The following PTP4A1 variants were observed in gnomAD, a reference collection of about 807,000 sequenced individuals.
PTP4A1 encodes the protein protein tyrosine phosphatase 4A1.
In PTP4A1, 9 loss-of-function variants were observed where a neutral mutation model predicts 20.5. The ratio of observed to expected loss-of-function variants is 0.44; its 90% confidence interval spans 0.26 to 0.77. The LOEUF is 0.77. Among genes scored for constraint, PTP4A1 ranks in the 30% least tolerant of loss-of-function variants. The pLI is 0.19. For synonymous variants in PTP4A1, 78 were observed against 67.4 expected (o/e 1.16, Z -0.77); for missense variants, 137 against 218.8 (o/e 0.63, Z 2.36).
chr6:63,554,766 G>C (rs558867631), intron 3 of PTP4A1, among the ~76,000 whole-genome samples: 1 of 152,272 alleles, frequency 6.6e-6, no homozygotes, highest in African/African-American at 2.4e-5. Context: ...TAGCCTGGGT[G>C]ACAGAGTGAA....
intron 3 of PTP4A1, among the ~76,000 whole-genome samples, chr6:63,555,771 G>A (rs1776660977): frequency 6.8e-6 from 1 of 147,412 alleles, no homozygotes; most frequent in South Asian, 2.1e-4. Context: ...CCGGCTCACT[G>A]CAACTTCTGC....
At chr6:63,528,568 T>C (rs1464560082) in intron 2 of PTP4A1, among the ~76,000 whole-genome samples, 3 of 151,454 alleles carry the variant, frequency 2.0e-5, no homozygotes, top group Non-Finnish European at 2.9e-5. Context: ...CTACAAAAAA[T>C]ATAACAAAAC....
chr6:63,544,946 C>A (rs1483983766), intron 2 of PTP4A1, among the ~76,000 whole-genome samples: 2 of 152,118 alleles, frequency 1.3e-5, no homozygotes, highest in Non-Finnish European at 2.9e-5. Flanking sequence ...TATATAAATA[C>A]CATATTGCAT....
At position 63,572,518 on chromosome 6, in the gene PTP4A1, G is replaced by A; in HGVS notation, c.-647G>A. On this transcript the variant is annotated 5_prime_UTR_variant, in exon 1 of 6. Coordinates refer to ENST00000626021, the MANE Select transcript of PTP4A1 (RefSeq NM_003463.5). ...TATTGGCTCCTTCGGCTGCGGGCCG[G>A]CTCGGCTACGCGCTCTGCTCCGAGC... is the stretch of plus-strand genomic sequence containing the variant. 2 of 391,498 alleles carry A rather than the reference G, an allele frequency of 5.1e-6. No homozygotes were observed. The highest frequency in any genetic ancestry group is 9.0e-6 in the Non-Finnish European group (2 of 221,454). 24.3% of individuals were successfully genotyped at this position (391,498 alleles called of 1,614,324 possible). A position where few individuals can be genotyped will look rare whatever the true frequency, so the allele number is the denominator to read the frequency against.
At chr6:63,534,526 A>G (rs896523171) in intron 2 of PTP4A1, among the ~76,000 whole-genome samples, 2 of 152,074 alleles carry the variant, frequency 1.3e-5, no homozygotes, top group Admixed American at 6.6e-5. Context: ...TACTTACAAA[A>G]CATTTATGCT....
chr6:63,536,640 C>G (rs2149481125), intron 2 of PTP4A1, among the ~76,000 whole-genome samples: 1 of 152,216 alleles, frequency 6.6e-6, no homozygotes, highest in Non-Finnish European at 1.5e-5. Flanking sequence ...ACATTTGTGT[C>G]AGTCGCGATA....
At chr6:63,541,488 G>C (rs577100750) in intron 2 of PTP4A1, among the ~76,000 whole-genome samples, 1 of 152,058 alleles carries the variant, frequency 6.6e-6, no homozygotes, top group South Asian at 2.1e-4. Flanking sequence ...CGGAGGCAGA[G>C]GTTGCAGTGA....
chr6:63,532,028 T>C (rs1775495012), intron 2 of PTP4A1, among the ~76,000 whole-genome samples: 1 of 152,088 alleles, frequency 6.6e-6, no homozygotes, highest in African/African-American at 2.4e-5. Context: ...CTTGAACTCT[T>C]GACCTTGTGA....
chr6:63,527,274 T>C (rs972011637), intron 1 of PTP4A1, among the ~76,000 whole-genome samples: 1 of 152,194 alleles, frequency 6.6e-6, no homozygotes, highest in African/African-American at 2.4e-5. Flanking sequence ...ATTGCTTGTG[T>C]CTATGTTCAA....
intron 3 of PTP4A1, among the ~76,000 whole-genome samples, chr6:63,566,463 G>T (rs1777193158): frequency 1.3e-5 from 2 of 152,272 alleles, no homozygotes; most frequent in African/African-American, 2.4e-5. Context: ...GCTGGTTTGG[G>T]TTCAAGCCAG....
rs1353643620 is a variant in PTP4A1 at position 63,582,398 on chromosome 6, AAAAT to A, written c.*2229_*2232del. The A allele has an allele frequency of 2.6e-5, 4 of 152,644 alleles. No homozygotes were observed. Among genetic ancestry groups the A allele is most frequent in the South Asian group, 2.1e-4 (1 of 4,834 alleles). The allele number at this position is 152,644 out of a possible 1,614,324, so 9.5% of individuals were successfully genotyped here. A position where few individuals can be genotyped will look rare whatever the true frequency, so the allele number is the denominator to read the frequency against. On this transcript the variant is annotated 3_prime_UTR_variant, in exon 6 of 6. Transcript: ENST00000626021. ...TGTTTGGATTGTATATATGGTGCTAAAAATAAATTAATTTACTTTATAAACCTTA... is the reference window on the plus strand; with the variant it reads ...TGTTTGGATTGTATATATGGTGCTAAAAATTAATTTACTTTATAAACCTTA...
At chr6:63,570,308 G>A (rs1777361539), upstream of PTP4A1, among the ~76,000 whole-genome samples, 1 of 152,154 alleles carries the variant, frequency 6.6e-6, no homozygotes, top group African/African-American at 2.4e-5. Context: ...TCCAACCTGG[G>A]CAAAAGAGCA....
chr6:63,566,459 T>G (rs942702463), intron 3 of PTP4A1, among the ~76,000 whole-genome samples: 2 of 152,088 alleles, frequency 1.3e-5, no homozygotes, highest in Non-Finnish European at 2.9e-5. Context: ...TCAAGCTGGT[T>G]TGGGTTCAAG....
chr6:63,572,784 G>C (rs574971926), intron 1 of PTP4A1, 65 bp downstream of exon 1: 1 of 398,248 alleles, frequency 2.5e-6, no homozygotes, highest in Non-Finnish European at 4.4e-6. Flanking sequence ...CATCCCCGCT[G>C]TCGCCTTTGT....
chr6:63,565,978 A>C, intron 3 of PTP4A1, among the ~76,000 whole-genome samples: 1 of 152,220 alleles, frequency 6.6e-6, no homozygotes, highest in East Asian at 1.9e-4. Flanking sequence ...TCAGCTCCAG[A>C]CCACCACAAT....
chr6:63,555,692 C>CTTT (rs35538550), intron 3 of PTP4A1, among the ~76,000 whole-genome samples: 12 of 135,002 alleles, frequency 8.9e-5, no homozygotes, highest in African/African-American at 1.7e-4. Context: ...CAATTACACT[C>CTTT]TTTTTTTTTT....
chr6:63,563,235 C>T (rs1197742040), intron 3 of PTP4A1, among the ~76,000 whole-genome samples: 1 of 152,190 alleles, frequency 6.6e-6, no homozygotes, highest in Non-Finnish European at 1.5e-5. Flanking sequence ...TGGTGTGATT[C>T]ACTGTCAGCA....
intron 2 of PTP4A1, chr6:63,548,940 A>C (rs955367274): frequency 2.3e-6 from 2 of 867,942 alleles, no homozygotes; most frequent in African/African-American, 3.3e-5. Flanking sequence ...TAGACGTCCC[A>C]GTCTTGCCTC....
intron 2 of PTP4A1, among the ~76,000 whole-genome samples, chr6:63,577,666 C>T (rs935068466): frequency 1.3e-5 from 2 of 152,108 alleles, no homozygotes; most frequent in Non-Finnish European, 2.9e-5. Flanking sequence ...AAGCAATTCT[C>T]CTGCCTCAGC....
Sources: allele counts gnomAD v4.1 joint callset (sites outside exome capture counted in the v4.1 genomes callset), GRCh38; gene constraint gnomAD v4.1.1; transcripts MANE v1.5; gene names NCBI Gene and HGNC (gene_info 2026-07-23, HGNC 2026-07-21).